TULP4: variants seen among roughly 807,000 people sequenced by gnomAD.
TULP4 encodes the protein TUB like protein 4.
TULP4 carries 16 observed loss-of-function variants against 129.0 expected under a neutral mutation model. That is an observed-to-expected ratio of 0.12 (90% CI 0.08 to 0.19). The LOEUF (loss-of-function observed/expected upper bound fraction) is 0.19. Among genes scored for constraint, TULP4 ranks in the 10% least tolerant of loss-of-function variants. The pLI, the probability that TULP4 is intolerant of heterozygous loss-of-function variation, is 1.00. For missense variants in TULP4, 1,842 were observed against 2,059.1 expected (o/e 0.89, Z 2.04); for synonymous variants, 998 against 854.0 (o/e 1.17, Z -2.94).
At chr6:158,271,858 A>G (rs950422563) in intron 1 of TULP4, among the ~76,000 whole-genome samples, 1 of 152,232 alleles carries the variant, frequency 6.6e-6, no homozygotes, top group African/African-American at 2.4e-5. Flanking sequence ...TTTGGGGGAA[A>G]CATTGAAATG....
intron 1 of TULP4, among the ~76,000 whole-genome samples, chr6:158,285,497 A>G (rs1778820446): frequency 6.6e-6 from 1 of 152,062 alleles, no homozygotes; most frequent in African/African-American, 2.4e-5. Flanking sequence ...TTCCTACCTG[A>G]ATTCCTGCTG....
intron 1 of TULP4, among the ~76,000 whole-genome samples, chr6:158,381,742 T>C (rs548017005): frequency 1.4e-4 from 22 of 152,348 alleles, no homozygotes; most frequent in African/African-American, 4.6e-4. Flanking sequence ...AATTCAGGTG[T>C]ATTTATTCTT....
intron 5 of TULP4, among the ~76,000 whole-genome samples, chr6:158,457,034 C>T (rs650803): frequency 0.42 from 63,485 of 151,858 alleles, 14,563 homozygotes; most frequent in African/African-American, 0.62. Context: ...ATCTTACGGG[C>T]TATGTTGGTA....
chr6:158,376,944 C>T (rs1364610161), intron 1 of TULP4, among the ~76,000 whole-genome samples: 1 of 152,206 alleles, frequency 6.6e-6, no homozygotes, highest in East Asian at 1.9e-4. Flanking sequence ...CAACTGCCTA[C>T]CTCGAGGCTG....
chr6:158,348,610 T>C (rs1290417310), intron 1 of TULP4, among the ~76,000 whole-genome samples: 2 of 152,102 alleles, frequency 1.3e-5, no homozygotes, highest in African/African-American at 4.8e-5. Flanking sequence ...TGATCTCTCT[T>C]TCTTTTCCCC....
intron 8 of TULP4, among the ~76,000 whole-genome samples, chr6:158,487,648 T>C (rs1311865223): frequency 6.6e-6 from 1 of 152,246 alleles, no homozygotes; most frequent in African/African-American, 2.4e-5. Context: ...AAGTATGAAG[T>C]AGACCCAGCC....
chr6:158,318,214 C>T (rs544249200), intron 1 of TULP4, among the ~76,000 whole-genome samples: 1 of 152,226 alleles, frequency 6.6e-6, no homozygotes, highest in East Asian at 1.9e-4. Flanking sequence ...AATCCCAGCA[C>T]TTTGGGAAGC....
intron 1 of TULP4, among the ~76,000 whole-genome samples, chr6:158,332,608 G>C (rs1779938696): frequency 6.6e-6 from 1 of 152,152 alleles, no homozygotes; most frequent in Non-Finnish European, 1.5e-5. Context: ...GTATGGACAA[G>C]TGGCAGGATC....
At chr6:158,452,455 T>G (rs1216746721) in intron 5 of TULP4, among the ~76,000 whole-genome samples, 187 bp downstream of exon 5, 2 of 152,234 alleles carry the variant, frequency 1.3e-5, no homozygotes, top group East Asian at 3.8e-4. Context: ...AGTCCATACC[T>G]AGTCTTATCT....
chr6:158,496,618 A>G (rs1299967511), intron 11 of TULP4, among the ~76,000 whole-genome samples: 5 of 152,242 alleles, frequency 3.3e-5, no homozygotes, highest in African/African-American at 1.2e-4. Flanking sequence ...TGCCCTATTG[A>G]TTAGATAAGG....
rs766393090 is a variant in TULP4 at position 158,328,079 on chromosome 6, G to GGTGTGTGTGTGTGTGTGTGTGTGTGT, written c.252+13835_252+13860dup. Among the ~76,000 whole-genome samples, 3 of 120,518 alleles carry GGTGTGTGTGTGTGTGTGTGTGTGTGT rather than the reference G, an allele frequency of 2.5e-5. 1 individual carries two copies. In the East Asian group the frequency reaches 8.9e-4, roughly 36 times the overall value. 79.1% of individuals were successfully genotyped at this position (120,518 alleles called of 152,430 possible). On this transcript the variant is annotated intron_variant, in intron 1 of 13. Coordinates refer to ENST00000367097, the MANE Select transcript of TULP4 (RefSeq NM_020245.5). ...TCCTGTTGCCAGCATTCTCAGAGCT[G>GGTGTGTGTGTGTGTGTGTGTGTGTGT]GTGTGTGTGTGTGTGTGTGTGTGTG...
At position 158,433,537 on chromosome 6, in the gene TULP4, A is replaced by G. The variant is rs138433182; in HGVS notation, c.543+3640A>G. Among the ~76,000 whole-genome samples, 1,333 of 152,118 alleles carry G rather than the reference A, an allele frequency of 8.8e-3. 27 individuals are homozygous for G. Among genetic ancestry groups the G allele is most frequent in the African/African-American group, 0.031 (1,273 of 41,492 alleles). On this transcript the variant is annotated intron_variant, in intron 3 of 13. Transcript: ENST00000367097. ...AGACCATCCTGGCTAACACGGTGAA[A>G]CCCGTCTACTAAAAATACAAAAAAT...
intron 1 of TULP4, among the ~76,000 whole-genome samples, chr6:158,291,082 G>A (rs1222459545): frequency 6.6e-6 from 1 of 152,210 alleles, no homozygotes; most frequent in Non-Finnish European, 1.5e-5. Context: ...GTATTAATAT[G>A]AGTCTGCTGT....
At chr6:158,332,200 A>AATATATATATAT (rs776893885) in intron 1 of TULP4, among the ~76,000 whole-genome samples, 17 of 17,998 alleles carry the variant, frequency 9.4e-4, no homozygotes, top group African/African-American at 1.6e-3. Context: ...AAAAAAAAAA[A>AATATATATATAT]ATATATATAT....
intron 3 of TULP4, among the ~76,000 whole-genome samples, chr6:158,434,232 A>G (rs1479767369): frequency 2.6e-5 from 4 of 152,210 alleles, no homozygotes; most frequent in Non-Finnish European, 5.9e-5. Flanking sequence ...ACAAAATTCA[A>G]CATATGAGTT....
chr6:158,308,716 C>T (rs1398100728), upstream of TULP4, among the ~76,000 whole-genome samples: 18 of 134,468 alleles, frequency 1.3e-4, no homozygotes, highest in Non-Finnish European at 2.4e-4. Context: ...CGGGCAGAGG[C>T]GCCCCTCACC....
At chr6:158,369,339 A>T (rs1777018865) in intron 1 of TULP4, among the ~76,000 whole-genome samples, 1 of 152,152 alleles carries the variant, frequency 6.6e-6, no homozygotes, top group African/African-American at 2.4e-5. Flanking sequence ...ACAAAAAATT[A>T]AAAAATAAAA....
chr6:158,322,791 G>A (rs964084587), intron 1 of TULP4, among the ~76,000 whole-genome samples: 3 of 152,076 alleles, frequency 2.0e-5, no homozygotes, highest in Non-Finnish European at 4.4e-5. Flanking sequence ...TATACCTCAT[G>A]GAATCTACAG....
intron 1 of TULP4, among the ~76,000 whole-genome samples, chr6:158,385,840 A>ATATTTTTTTTTTTTTTTTTTT: frequency 2.9e-5 from 1 of 34,026 alleles, no homozygotes; most frequent in Non-Finnish European, 6.7e-5. Context: ...AATGTGGAAT[A>ATATTTTTTTTTTTTTTTTTTT]TCTTTTTTTT....
Sources: allele counts gnomAD v4.1 joint callset (sites outside exome capture counted in the v4.1 genomes callset), GRCh38; gene constraint gnomAD v4.1.1; transcripts MANE v1.5; gene names NCBI Gene and HGNC (gene_info 2026-07-23, HGNC 2026-07-21).